Variants in FAM193B observed in about 807,000 individuals in gnomAD.
FAM193B encodes family with sequence similarity 193 member B, also known as protein FAM193B.
In FAM193B, 27 loss-of-function variants were observed where a neutral mutation model predicts 70.7. The observed-to-expected ratio is 0.38, with a 90% CI of 0.28 to 0.53. The LOEUF is 0.53. Ranked by LOEUF, FAM193B falls within the 20% of genes least tolerant of loss-of-function variation. The pLI, the probability that FAM193B is intolerant of heterozygous loss-of-function variation, is 0.81. For missense variants in FAM193B, 1,022 were observed against 1,072.5 expected (o/e 0.95, Z 0.66); for synonymous variants, 448 against 436.0 (o/e 1.03, Z -0.34).
chr5:177,529,288 CAG>C (rs565326853), intron 5 of FAM193B, among the ~76,000 whole-genome samples: 4 of 151,662 alleles, frequency 2.6e-5, no homozygotes, highest in South Asian at 2.1e-4. Context: ...GAGAAGGGAG[CAG>C]AGAGACACTG....
At position 177,532,946 on chromosome 5, in the gene FAM193B, C is replaced by A. The variant is rs911689663; in HGVS notation, c.1077-305G>T. ...GTCACTCCATCTTCTGCTTATTGTG[C>A]GTCACTGTCATGGTCTGTTTGCGCA... is the stretch of plus-strand genomic sequence containing the variant. On this transcript the variant is annotated intron_variant, in intron 4 of 8. Transcript: ENST00000514747. This position sits in a 1 kb window ranked among gnomAD's most constrained non-coding sequence, Gnocchi z 4.9. Among the ~76,000 whole-genome samples, 2 of 152,238 alleles carry A rather than the reference C, an allele frequency of 1.3e-5. No individual in the cohort carries two copies. Among genetic ancestry groups the A allele is most frequent in the African/African-American group, 4.8e-5 (2 of 41,454 alleles).
intron 4 of FAM193B, 48 bp downstream of exon 4, chr5:177,536,310 T>G (rs1485948686): frequency 1.9e-6 from 3 of 1,585,924 alleles, no homozygotes; most frequent in Non-Finnish European, 2.6e-6. Context: ...TTTCCAAAAT[T>G]CTAAGTTCAA....
At chr5:177,542,536 T>A (rs571600045) in intron 1 of FAM193B, among the ~76,000 whole-genome samples, 1 of 152,368 alleles carries the variant, frequency 6.6e-6, no homozygotes, top group South Asian at 2.1e-4. Flanking sequence ...AACTGACTTG[T>A]TAGAAATCTT....
At chr5:177,546,747 G>GTCAGTGGAGAA (rs1765476907) in intron 1 of FAM193B, among the ~76,000 whole-genome samples, 1 of 152,214 alleles carries the variant, frequency 6.6e-6, no homozygotes, top group Non-Finnish European at 1.5e-5. Flanking sequence ...TACGAGACTA[G>GTCAGTGGAGAA]TCAGTGGAGA....
At position 177,520,027 on chromosome 5, in the gene FAM193B, G is replaced by C. The variant is rs541767534; in HGVS notation, c.*156C>G. 6.6e-6 allele frequency: 1 copy of C among 152,416 alleles called. No homozygotes were observed. Among genetic ancestry groups the C allele is most frequent in the South Asian group, 2.1e-4 (1 of 4,846 alleles). 9.4% of individuals were successfully genotyped at this position (152,416 alleles called of 1,614,324 possible). On this transcript the variant is annotated 3_prime_UTR_variant, in exon 9 of 9. Transcript: ENST00000514747. ...GCTGAGGTCAAGGGGCCCCAGCACAGTGTGGCATCCGTTCAGCTTTTGGTT... is the reference window on the plus strand; with the variant it reads ...GCTGAGGTCAAGGGGCCCCAGCACACTGTGGCATCCGTTCAGCTTTTGGTT...
chr5:177,524,074 G>A (rs1052462970), intron 6 of FAM193B, 42 bp from the exon 7 acceptor site: 3 of 1,613,578 alleles, frequency 1.9e-6, no homozygotes, highest in Non-Finnish European at 2.5e-6. Context: ...CCATGGCCAG[G>A]CCTTTGGGGT....
intron 3 of FAM193B, among the ~76,000 whole-genome samples, chr5:177,537,178 G>C (rs564546432): frequency 3.0e-4 from 45 of 152,320 alleles, no homozygotes; most frequent in Admixed American, 5.9e-4. Flanking sequence ...CCAGATTTCA[G>C]ACAAGTGGGA....
At chr5:177,540,703 C>T (rs1408981854) in intron 1 of FAM193B, among the ~76,000 whole-genome samples, 2 of 152,052 alleles carry the variant, frequency 1.3e-5, no homozygotes, top group East Asian at 3.9e-4. Flanking sequence ...TGAGCCCAGC[C>T]GAGAGCAGAC....
At position 177,524,595 on chromosome 5, in the gene FAM193B, G is replaced by A. The variant is rs766843292; in HGVS notation, c.1886C>T (p.Ser629Phe). The A allele has an allele frequency of 8.7e-6, 14 of 1,611,676 alleles. No individual in the cohort carries two copies. In the South Asian group the frequency reaches 1.1e-4, roughly 13 times the overall value. The change falls in exon 6 of 9, where the codon TCC becomes TTC. Residue 629 changes from serine to phenylalanine, a missense_variant. Coordinates refer to ENST00000514747, the MANE Select transcript of FAM193B (RefSeq NM_001190946.3). ...SCKQELPEPVSSGGKPQKGKR... is the reference protein window; with the variant it reads ...SCKQELPEPVFSGGKPQKGKR... ...GCCCTTCTGTGGCTTCCCACCTGAG[G>A]ACACAGGCTCAGGCAGCTCCTGCTT...
At chr5:177,526,339 TGGG>T (rs1353677479) in intron 5 of FAM193B, among the ~76,000 whole-genome samples, 4 of 152,136 alleles carry the variant, frequency 2.6e-5, no homozygotes, top group Non-Finnish European at 2.9e-5. Flanking sequence ...AGAGTCTGTG[TGGG>T]GTCCTTTCCC....
At chr5:177,540,746 C>G (rs998718367) in intron 1 of FAM193B, among the ~76,000 whole-genome samples, 3 of 152,122 alleles carry the variant, frequency 2.0e-5, no homozygotes, top group African/African-American at 7.2e-5. Flanking sequence ...TTGTTTTAAA[C>G]CACTAGGTTT....
At chr5:177,525,252 G>A in intron 5 of FAM193B, 47 bp from the exon 6 acceptor site, 2 of 1,419,756 alleles carry the variant, frequency 1.4e-6, no homozygotes, top group South Asian at 1.6e-5. Context: ...CAACTGCCAG[G>A]CACAATGTGA....
intron 5 of FAM193B, among the ~76,000 whole-genome samples, chr5:177,527,836 C>T (rs918701655): frequency 6.6e-6 from 1 of 152,190 alleles, no homozygotes; most frequent in South Asian, 2.1e-4. Flanking sequence ...ATTGACTAGA[C>T]AGACAACAGA....
chr5:177,554,522 C>CCGCCGT lies in FAM193B; in HGVS notation c.-65_-64insACGGCG. The CCGCCGT allele has an allele frequency of 1.1e-6, 1 of 929,318 alleles. No homozygotes were observed. Among genetic ancestry groups the CCGCCGT allele is most frequent in the Non-Finnish European group, 1.3e-6 (1 of 775,004 alleles). 57.6% of individuals were successfully genotyped at this position (929,318 alleles called of 1,614,324 possible). A position where few individuals can be genotyped will look rare whatever the true frequency, so the allele number is the denominator to read the frequency against. ...GCCGCCGCCGCCGCCGCCGCCGCCG[C>CCGCCGT]CGCCGCCGCTACCGCTCCCCTCACA... On this transcript the variant is annotated 5_prime_UTR_variant, in exon 1 of 9. Transcript: ENST00000514747.
chr5:177,534,747 T>C (rs562402275), intron 4 of FAM193B, among the ~76,000 whole-genome samples: 12 of 152,288 alleles, frequency 7.9e-5, no homozygotes, highest in African/African-American at 2.9e-4. Context: ...GCAACCTAAG[T>C]AGCTGGAACT....
chr5:177,534,576 A>C (rs1472818775), intron 4 of FAM193B, among the ~76,000 whole-genome samples: 1 of 151,898 alleles, frequency 6.6e-6, no homozygotes, highest in African/African-American at 2.4e-5. Context: ...TGCTGGGATT[A>C]CAGGAATGAG....
At chr5:177,540,871 C>T (rs1456112486) in intron 1 of FAM193B, among the ~76,000 whole-genome samples, 7 of 152,156 alleles carry the variant, frequency 4.6e-5, no homozygotes, top group Non-Finnish European at 1.0e-4. Context: ...TCACCCTCAT[C>T]CTACCAATAA....
chr5:177,550,784 G>A (rs1029768218), intron 1 of FAM193B, among the ~76,000 whole-genome samples: 10 of 152,302 alleles, frequency 6.6e-5, no homozygotes, highest in South Asian at 2.1e-4. Flanking sequence ...TAGGTGAGGC[G>A]CTTCTATGTA....
chr5:177,531,802 G>T, intron 5 of FAM193B: 1 of 966,148 alleles, frequency 1.0e-6, no homozygotes, highest in Non-Finnish European at 1.3e-6. Context: ...GTATGACCTT[G>T]GGCGAGTCAC....
Sources: gnomAD v4.1 joint callset for allele counts (sites outside exome capture counted in the v4.1 genomes callset) on GRCh38, gnomAD v4.1.1 for gene constraint, Gnocchi (gnomAD v3.1) non-coding constraint, MANE v1.5 for transcripts, NCBI Gene and HGNC (gene_info 2026-07-23, HGNC 2026-07-21) for gene names.